Variants in PDE12 observed in about 807,000 individuals in gnomAD.
PDE12 encodes 2',5'-phosphodiesterase 12.
Under a neutral mutation model 45.4 loss-of-function variants are expected in PDE12, and 26 were observed. That is an observed-to-expected ratio of 0.57 (90% CI 0.42 to 0.79). PDE12 has a LOEUF of 0.79. Among genes scored for constraint, PDE12 ranks in the 30% least tolerant of loss-of-function variants. The pLI, the probability that PDE12 is intolerant of heterozygous loss-of-function variation, is 0.00. For synonymous variants in PDE12, 283 were observed against 323.9 expected (o/e 0.87, Z 1.36); for missense variants, 668 against 790.0 (o/e 0.85, Z 1.85).
chr3:57,590,136 A>AAATAAAT, the PDE12 span, among the ~76,000 whole-genome samples: 1 of 122,398 alleles, frequency 8.2e-6, no homozygotes. Flanking sequence ...AATAAATAAA[A>AAATAAAT]CAAAAAACAA....
the PDE12 span, among the ~76,000 whole-genome samples, chr3:57,618,641 G>A: frequency 2.6e-5 from 3 of 116,326 alleles, no homozygotes; most frequent in Admixed American, 1.1e-4. Context: ...ATGGAGTTTC[G>A]CTCGTTGCCC....
chr3:57,628,131 G>A, the PDE12 span: 9 of 1,536,356 alleles, frequency 5.9e-6, no homozygotes, highest in Non-Finnish European at 7.9e-6. Flanking sequence ...CTGCCACTGA[G>A]AGATCTCCTT....
chr3:57,633,979 G>A, the PDE12 span, among the ~76,000 whole-genome samples: 51 of 151,750 alleles, frequency 3.4e-4, no homozygotes, highest in South Asian at 9.8e-3. Context: ...AATGGTAACA[G>A]TCCCCTACTG....
chr3:57,561,013 G>A lies in PDE12; in HGVS notation c.*1009G>A, dbSNP rs2069723046. On this transcript the variant is annotated 3_prime_UTR_variant, in exon 3 of 3. Transcript: ENST00000311180. ...TATTTTTAGGATTTTAGTTTTTAGTGTATGGTACAAATGAACACAGTTTAT... is the reference window on the plus strand; with the variant it reads ...TATTTTTAGGATTTTAGTTTTTAGTATATGGTACAAATGAACACAGTTTAT... The A allele has an allele frequency of 2.0e-6, 2 of 976,592 alleles. No homozygotes were observed. Among genetic ancestry groups the A allele is most frequent in the South Asian group, 9.5e-5 (2 of 21,080 alleles). 60.5% of individuals were successfully genotyped at this position (976,592 alleles called of 1,614,324 possible). A position where few individuals can be genotyped will look rare whatever the true frequency, so the allele number is the denominator to read the frequency against.
the PDE12 span, chr3:57,596,844 A>G: frequency 3.8e-6 from 2 of 527,430 alleles, no homozygotes; most frequent in Non-Finnish European, 3.4e-6. Flanking sequence ...GAGTCCAGAA[A>G]GAAATCTTGC....
chr3:57,638,580 C>T, the PDE12 span, among the ~76,000 whole-genome samples: 5 of 152,086 alleles, frequency 3.3e-5, no homozygotes, highest in African/African-American at 1.2e-4. Context: ...ATTGCTTGAA[C>T]CCGGGAGGTG....
chr3:57,620,538 G>A, the PDE12 span, among the ~76,000 whole-genome samples: 1 of 152,038 alleles, frequency 6.6e-6, no homozygotes, highest in Non-Finnish European at 1.5e-5. Flanking sequence ...AAGTAAAACA[G>A]TCTTTATTCA....
the PDE12 span, among the ~76,000 whole-genome samples, chr3:57,594,341 G>A: frequency 2.0e-5 from 3 of 152,126 alleles, no homozygotes; most frequent in African/African-American, 4.8e-5. Context: ...TCCCAACCTG[G>A]CCTCCCAAAG....
At chr3:57,588,624 C>A in the PDE12 span, among the ~76,000 whole-genome samples, 8 of 147,594 alleles carry the variant, frequency 5.4e-5, no homozygotes, top group Non-Finnish European at 1.2e-4. Context: ...GAAGCCAAGG[C>A]GGGTGGATCA....
chr3:57,645,997 AG>A, the PDE12 span, among the ~76,000 whole-genome samples: 1 of 152,160 alleles, frequency 6.6e-6, no homozygotes. Context: ...ACTGTTCACT[AG>A]CTATGTGCCT....
At chr3:57,588,967 T>C in the PDE12 span, among the ~76,000 whole-genome samples, 120 of 152,158 alleles carry the variant, frequency 7.9e-4, 1 homozygote, top group African/African-American at 2.7e-3. Context: ...CTGGGTGTAG[T>C]GGCACATGCC....
At chr3:57,584,133 C>A in the PDE12 span, 1 of 750,006 alleles carries the variant, frequency 1.3e-6, no homozygotes, top group South Asian at 1.9e-5. Flanking sequence ...TATATTTAAG[C>A]CTAAACATCA....
chr3:57,604,381 A>C, the PDE12 span, among the ~76,000 whole-genome samples: 1 of 152,176 alleles, frequency 6.6e-6, no homozygotes, highest in Non-Finnish European at 1.5e-5. Flanking sequence ...TGTTAACAAA[A>C]TAATCACCTA....
chr3:57,623,441 G>A, the PDE12 span, among the ~76,000 whole-genome samples: 2 of 152,206 alleles, frequency 1.3e-5, no homozygotes, highest in East Asian at 3.8e-4. Flanking sequence ...CACTTTGGGA[G>A]GCTGAGGCGG....
the PDE12 span, among the ~76,000 whole-genome samples, chr3:57,617,146 T>C: frequency 6.6e-6 from 1 of 152,128 alleles, no homozygotes; most frequent in Non-Finnish European, 1.5e-5. Flanking sequence ...GACTCATGTC[T>C]GCGATCCTTG....
At position 57,556,373 on chromosome 3, in the gene PDE12, C is replaced by T. The variant is rs369877761; in HGVS notation, c.-7C>T. The T allele has an allele frequency of 6.4e-7, 1 of 1,558,848 alleles. No individual in the cohort carries two copies. The highest frequency in any genetic ancestry group is 1.9e-5 in the Admixed American group (1 of 52,484). ...CGGGTCTTGTCGACCGCTAGGCCAC[C>T]AGGTTCATGTGGAGGCTCCCAGGCG... On this transcript the variant is annotated 5_prime_UTR_variant, in exon 1 of 3. Coordinates refer to ENST00000311180, the MANE Select transcript of PDE12 (RefSeq NM_177966.7). This position sits in a 1 kb window ranked among gnomAD's most constrained non-coding sequence, Gnocchi z 5.0.
At chr3:57,634,814 C>T in the PDE12 span, 7 of 1,434,180 alleles carry the variant, frequency 4.9e-6, no homozygotes, top group Non-Finnish European at 6.5e-6. Flanking sequence ...TCTAATCATA[C>T]ATATTACAAA....
downstream of PDE12, among the ~76,000 whole-genome samples, chr3:57,567,295 G>C (rs1256565046): frequency 6.6e-6 from 1 of 150,630 alleles, no homozygotes; most frequent in African/African-American, 2.5e-5. Flanking sequence ...CTGGGTGACA[G>C]AGCACGACTC....
chr3:57,593,899 T>C, the PDE12 span, among the ~76,000 whole-genome samples: 4 of 152,130 alleles, frequency 2.6e-5, no homozygotes, highest in South Asian at 8.3e-4. Flanking sequence ...TCTAATGGCA[T>C]GTCCTTGTTG....
Sources: allele counts gnomAD v4.1 joint callset (sites outside exome capture counted in the v4.1 genomes callset), GRCh38; gene constraint gnomAD v4.1.1; non-coding constraint Gnocchi (gnomAD v3.1); transcripts MANE v1.5; gene names NCBI Gene and HGNC (gene_info 2026-07-23, HGNC 2026-07-21).